NREP: variants seen among roughly 807,000 people sequenced by gnomAD.
The protein encoded by NREP is neuronal regeneration related protein, also known as neuronal regeneration-related protein.
A neutral mutation model predicts 8.6 loss-of-function variants in NREP; 5 were observed. The ratio of observed to expected loss-of-function variants is 0.58; its 90% CI spans 0.30 to 1.22. The LOEUF is 1.22. Ranked by LOEUF, NREP falls within the 50% of genes most tolerant of loss-of-function variation. The pLI, the probability that NREP is intolerant of heterozygous loss-of-function variation, is 0.07. For missense variants in NREP, 86 were observed against 82.5 expected, an observed-to-expected ratio of 1.04 and a Z score of -0.17; for synonymous variants, 27 against 28.0, an observed-to-expected ratio of 0.96 and a Z score of 0.11.
chr5:111,906,117 G>C, intron 2 of NREP, among the ~76,000 whole-genome samples: 1 of 151,808 alleles, frequency 6.6e-6, no homozygotes, highest in East Asian at 1.9e-4. Flanking sequence ...GAGTTCATTT[G>C]GTAACCCATC....
chr5:111,932,344 A>C (rs1755565146), intron 2 of NREP, among the ~76,000 whole-genome samples: 1 of 152,064 alleles, frequency 6.6e-6, no homozygotes, highest in Admixed American at 6.5e-5. Flanking sequence ...GAATGTATTA[A>C]CATGAATGAT....
At chr5:111,752,815 A>G (rs989066368) in intron 2 of NREP, among the ~76,000 whole-genome samples, 1 of 152,184 alleles carries the variant, frequency 6.6e-6, no homozygotes, top group Admixed American at 6.6e-5. Context: ...GTAGAAGGCA[A>G]TCATGTTGAA....
At chr5:111,832,378 C>A (rs911422092) in intron 2 of NREP, among the ~76,000 whole-genome samples, 9 of 152,106 alleles carry the variant, frequency 5.9e-5, no homozygotes, top group Admixed American at 5.2e-4. Context: ...ACAACAACAA[C>A]AAAACATTAG....
At chr5:111,946,091 CACACACACACAT>C (rs1039513386) in intron 2 of NREP, among the ~76,000 whole-genome samples, 1 of 127,334 alleles carries the variant, frequency 7.9e-6, no homozygotes, top group African/African-American at 2.8e-5. Context: ...CACACACACA[CACACACACACAT>C]AAGAAAATAA....
chr5:111,931,908 C>T (rs1320497084), intron 2 of NREP, among the ~76,000 whole-genome samples: 3 of 152,016 alleles, frequency 2.0e-5, no homozygotes, highest in African/African-American at 7.2e-5. Context: ...CAGGGCATTA[C>T]TTTCACAACC....
chr5:111,837,724 A>G (rs969672579), intron 2 of NREP, among the ~76,000 whole-genome samples: 1 of 152,056 alleles, frequency 6.6e-6, no homozygotes, highest in African/African-American at 2.4e-5. Flanking sequence ...TCAGGAAAGA[A>G]TTATAAATTG....
intron 2 of NREP, among the ~76,000 whole-genome samples, chr5:111,793,417 C>A (rs1267172593): frequency 6.6e-6 from 1 of 151,974 alleles, no homozygotes; most frequent in African/African-American, 2.4e-5. Flanking sequence ...GATCCAGGAG[C>A]TCCAATAACC....
chr5:111,975,051 A>G (rs538905698), intron 2 of NREP, among the ~76,000 whole-genome samples: 15 of 152,366 alleles, frequency 9.8e-5, no homozygotes, highest in Non-Finnish European at 7.3e-5. Flanking sequence ...TTGCACTTCC[A>G]CAGGGAATGA....
At chr5:111,925,712 T>C (rs1755365971) in intron 2 of NREP, among the ~76,000 whole-genome samples, 2 of 152,298 alleles carry the variant, frequency 1.3e-5, no homozygotes, top group South Asian at 2.1e-4. Flanking sequence ...TCTCATCTGG[T>C]CTTTGATCTG....
chr5:111,887,559 G>A (rs58429198), intron 2 of NREP, among the ~76,000 whole-genome samples: 7,809 of 152,184 alleles, frequency 0.051, 474 homozygotes, highest in East Asian at 0.23. Flanking sequence ...CTTGCACAAT[G>A]CAGAGTAGCA....
In NREP at chr5:111,903,082, CT is replaced by C. The variant is rs759722512; in HGVS notation, c.135+72191del. 7.4e-3 allele frequency among the ~76,000 whole-genome samples: 912 copies of C among 122,678 alleles called. 5 individuals are homozygous for C. Among genetic ancestry groups the C allele is most frequent in the African/African-American group, 0.025 (760 of 30,886 alleles). The allele number at this position is 122,678 out of a possible 152,430, so 80.5% of individuals were successfully genotyped here. On this transcript the variant is annotated intron_variant, in intron 2 of 3. Coordinates refer to the NREP transcript ENST00000395634. ...TTCCATGAATTGTCTTGTCTTTTCT[CT>C]TTTTTTTTTTTTTTTTTTGAGACAG...
rs573353577 is a variant in NREP, at chr5:111,729,602, AAC to A, written c.*1317_*1318del. On this transcript the variant is annotated 3_prime_UTR_variant, in exon 4 of 4. Transcript: ENST00000257435. ...TGCAGTGCATGCGTCATCGGTGTTTAACAGTCAGAAGCGAAACAGTTCAGAAC... is the reference window on the plus strand; with the variant it reads ...TGCAGTGCATGCGTCATCGGTGTTTAAGTCAGAAGCGAAACAGTTCAGAAC... 1 of 152,682 alleles carries A rather than the reference AAC, an allele frequency of 6.5e-6. No homozygotes were observed. The highest frequency in any genetic ancestry group is 2.1e-4 in the South Asian group (1 of 4,828). The allele number at this position is 152,682 out of a possible 1,614,324, so 9.5% of individuals were successfully genotyped here.
At chr5:111,837,333 G>A (rs1752919695) in intron 2 of NREP, among the ~76,000 whole-genome samples, 1 of 151,944 alleles carries the variant, frequency 6.6e-6, no homozygotes, top group Non-Finnish European at 1.5e-5. Flanking sequence ...TGAGGTTTGT[G>A]AAAAGGACAC....
At chr5:111,789,675 G>A (rs2079554504) in intron 2 of NREP, among the ~76,000 whole-genome samples, 1 of 152,150 alleles carries the variant, frequency 6.6e-6, no homozygotes, top group South Asian at 2.1e-4. Context: ...CAGTACAGCT[G>A]TAGATTCTCT....
chr5:111,937,957 T>C (rs1755728392), intron 2 of NREP, among the ~76,000 whole-genome samples: 3 of 152,056 alleles, frequency 2.0e-5, no homozygotes, highest in Admixed American at 2.0e-4. Flanking sequence ...AAATTCTCCT[T>C]GTGCTGACGT....
intron 2 of NREP, among the ~76,000 whole-genome samples, chr5:111,910,364 A>G (rs1011496201): frequency 1.3e-5 from 2 of 152,030 alleles, no homozygotes; most frequent in Non-Finnish European, 2.9e-5. Flanking sequence ...TTCCATAATA[A>G]GAGTTCTCAA....
Position 111,942,107 on chromosome 5 carries a change from T to TA in NREP, c.135+33166dup, listed in dbSNP as rs1755845893. Among the ~76,000 whole-genome samples, 3 of 152,182 alleles carry TA rather than the reference T, an allele frequency of 2.0e-5. No homozygotes were observed. The South Asian group carries it at 6.2e-4, about 32-fold the overall frequency. On this transcript the variant is annotated intron_variant, in intron 2 of 3. Coordinates refer to the NREP transcript ENST00000395634. ...ATCATTTTATTACCATAAAAACAGTTATATTAACTTAGCTTCACAAAAGTT... is the reference window on the plus strand; with the variant it reads ...ATCATTTTATTACCATAAAAACAGTTAATATTAACTTAGCTTCACAAAAGTT...
intron 2 of NREP, among the ~76,000 whole-genome samples, chr5:111,783,234 C>A (rs780396062): frequency 1.3e-5 from 2 of 152,134 alleles, no homozygotes; most frequent in Non-Finnish European, 2.9e-5. Flanking sequence ...AGCAAAGGAG[C>A]AGGGATCATG....
intron 2 of NREP, among the ~76,000 whole-genome samples, chr5:111,762,831 G>A (rs572248055): frequency 6.6e-6 from 1 of 152,250 alleles, no homozygotes; most frequent in African/African-American, 2.4e-5. Context: ...GCAAACATGT[G>A]GAAGAGTAAA....
Sources: allele counts gnomAD v4.1 joint callset (sites outside exome capture counted in the v4.1 genomes callset), GRCh38; gene constraint gnomAD v4.1.1; transcripts MANE v1.5; gene names NCBI Gene and HGNC (gene_info 2026-07-23, HGNC 2026-07-21).